HOOK3: variants seen among roughly 807,000 people sequenced by gnomAD.
The protein encoded by HOOK3 is protein Hook homolog 3.
HOOK3 carries 24 observed loss-of-function variants against 116.3 expected under a neutral mutation model. The observed-to-expected ratio is 0.21, with a 90% CI of 0.15 to 0.29. The LOEUF (loss-of-function observed/expected upper bound fraction) is 0.29. Among genes scored for constraint, HOOK3 ranks in the 10% least tolerant of loss-of-function variants. The probability of loss-of-function intolerance (pLI) is 1.00; values close to 1 mark genes in which losing one functional copy is unlikely to be tolerated. For synonymous variants in HOOK3, 275 were observed against 283.0 expected, an observed-to-expected ratio of 0.97 and a Z score of 0.28; for missense variants, 632 against 830.2, an observed-to-expected ratio of 0.76 and a Z score of 2.93.
Position 42,905,332 on chromosome 8 carries a change from G to GGC in HOOK3, c.58-840_58-839insCG, listed in dbSNP as rs1268229992. ...TTTTCCTGTTTCTTTTTTTGGGGGG[G>GGC]GGGGTGCCGTGGTGGAGGGGATATA... On this transcript the variant is annotated intron_variant, in intron 1 of 21. Coordinates refer to ENST00000307602, the MANE Select transcript of HOOK3 (RefSeq NM_032410.4). 2.0e-5 allele frequency among the ~76,000 whole-genome samples: 3 copies of GGC among 146,672 alleles called. 1 individual carries two copies. The highest frequency in any genetic ancestry group is 7.6e-5 in the African/African-American group (3 of 39,336).
chr8:42,997,665 TC>T, intron 16 of HOOK3, 28 bp downstream of exon 16: 2 of 1,153,716 alleles, frequency 1.7e-6, no homozygotes, highest in Non-Finnish European at 2.6e-6. Context: ...CCAACGATGG[TC>T]CATCAGTTTC....
chr8:42,904,240 C>T (rs1239732544), intron 1 of HOOK3, among the ~76,000 whole-genome samples: 1 of 151,740 alleles, frequency 6.6e-6, no homozygotes, highest in East Asian at 1.9e-4. Context: ...AGTATATAAA[C>T]CTACTCAAAT....
chr8:42,909,098 G>T (rs949284585), intron 2 of HOOK3, among the ~76,000 whole-genome samples: 1 of 152,126 alleles, frequency 6.6e-6, no homozygotes, highest in Admixed American at 6.5e-5. Flanking sequence ...AATTAAAACC[G>T]CAATGAGGTG....
chr8:42,968,241 T>C (rs1808667488), intron 11 of HOOK3, 27 bp downstream of exon 11: 1 of 1,535,472 alleles, frequency 6.5e-7, no homozygotes, highest in African/African-American at 1.4e-5. Flanking sequence ...ATCTTGATGA[T>C]GGTTTCAGGC....
At chr8:42,938,396 A>G (rs1808015886) in intron 4 of HOOK3, among the ~76,000 whole-genome samples, 1 of 152,130 alleles carries the variant, frequency 6.6e-6, no homozygotes, top group Non-Finnish European at 1.5e-5. Context: ...GCCCATTTAC[A>G]TTTAAGGTTA....
At chr8:42,903,731 G>A (rs1586583228) in intron 1 of HOOK3, among the ~76,000 whole-genome samples, 1 of 24,076 alleles carries the variant, frequency 4.2e-5, no homozygotes, top group Non-Finnish European at 7.6e-5. Context: ...GCTAAGGCGG[G>A]CGGATGACGA....
intron 6 of HOOK3, among the ~76,000 whole-genome samples, chr8:42,955,828 T>C (rs1808422245): frequency 6.6e-6 from 1 of 152,218 alleles, no homozygotes; most frequent in Admixed American, 6.5e-5. Context: ...TTGAGAGCTG[T>C]TGCTGGAATC....
chr8:43,018,532 C>G lies in HOOK3; in HGVS notation c.*34C>G. On this transcript the variant is annotated 3_prime_UTR_variant, in exon 22 of 22. Transcript: ENST00000307602. ...TGCCGCTCAATCACAGACACCTGCACCCACAACATACTTCTGTTACACACA... is the reference window on the plus strand; with the variant it reads ...TGCCGCTCAATCACAGACACCTGCAGCCACAACATACTTCTGTTACACACA... 6.4e-7 allele frequency: 1 copy of G among 1,568,188 alleles called. No individual in the cohort carries two copies. Among genetic ancestry groups the G allele is most frequent in the Non-Finnish European group, 8.6e-7 (1 of 1,160,376 alleles).
At chr8:42,897,278 G>T in intron 1 of HOOK3, 90 bp downstream of exon 1, 1 of 910,358 alleles carries the variant, frequency 1.1e-6, no homozygotes, top group Non-Finnish European at 1.4e-6. Flanking sequence ...CGAGCGCTGC[G>T]GGCGACGGTG....
intron 4 of HOOK3, among the ~76,000 whole-genome samples, chr8:42,940,674 C>T (rs111654679): frequency 1.3e-5 from 2 of 152,064 alleles, no homozygotes; most frequent in African/African-American, 4.8e-5. Flanking sequence ...CTCTGGATGC[C>T]CTTAACATTT....
chr8:42,940,626 T>G (rs983725183), intron 4 of HOOK3, among the ~76,000 whole-genome samples: 6 of 152,248 alleles, frequency 3.9e-5, no homozygotes, highest in African/African-American at 1.4e-4. Context: ...CTGCTGTTAG[T>G]CTGATGGGCT....
At chr8:42,982,536 GTTAAAA>G (rs1234350850) in intron 13 of HOOK3, 85 bp from the exon 14 acceptor site, 7 of 839,188 alleles carry the variant, frequency 8.3e-6, no homozygotes, top group South Asian at 2.8e-5. Context: ...GATTTTTGCT[GTTAAAA>G]TTAATGCTCA....
intron 11 of HOOK3, among the ~76,000 whole-genome samples, chr8:42,972,577 A>G (rs1443077246): frequency 6.6e-6 from 1 of 152,030 alleles, no homozygotes; most frequent in East Asian, 1.9e-4. Flanking sequence ...GCTAGTTTTT[A>G]AATTGTAGAG....
chr8:42,946,897 T>A (rs921556350), intron 5 of HOOK3, among the ~76,000 whole-genome samples: 4 of 151,254 alleles, frequency 2.6e-5, no homozygotes, highest in African/African-American at 4.9e-5. Flanking sequence ...GCCTCCTGAG[T>A]AGCTGGGATT....
At chr8:43,012,872 G>A (rs1033434536) in intron 19 of HOOK3, among the ~76,000 whole-genome samples, 179 bp from the exon 20 acceptor site, 1 of 152,164 alleles carries the variant, frequency 6.6e-6, no homozygotes, top group African/African-American at 2.4e-5. Context: ...AAAGTGCTGT[G>A]ATTACAGGCA....
chr8:42,946,515 T>C (rs1808229209), intron 5 of HOOK3, among the ~76,000 whole-genome samples: 1 of 151,206 alleles, frequency 6.6e-6, no homozygotes, highest in Non-Finnish European at 1.5e-5. Flanking sequence ...TTGAAGACGA[T>C]GAATTTTTTT....
chr8:42,981,664 G>A (rs981381273), intron 13 of HOOK3, among the ~76,000 whole-genome samples: 2 of 148,298 alleles, frequency 1.3e-5, no homozygotes, highest in Admixed American at 1.3e-4. Flanking sequence ...CGGGCAGATC[G>A]CCTTAGGTCA....
intron 1 of HOOK3, among the ~76,000 whole-genome samples, chr8:42,902,364 C>G (rs555544756): frequency 6.6e-6 from 1 of 151,832 alleles, no homozygotes; most frequent in Admixed American, 6.6e-5. Flanking sequence ...CCCGACCCCC[C>G]AGGCTCAAGT....
intron 19 of HOOK3, 131 bp from the exon 20 acceptor site, chr8:43,012,920 A>G (rs1175608471): frequency 4.8e-6 from 3 of 621,888 alleles, no homozygotes; most frequent in South Asian, 2.1e-5. Flanking sequence ...TTTTTAAAAT[A>G]CCCTTGTAAG....
Sources: allele counts gnomAD v4.1 joint callset (sites outside exome capture counted in the v4.1 genomes callset), GRCh38; gene constraint gnomAD v4.1.1; transcripts MANE v1.5; gene names NCBI Gene and HGNC (gene_info 2026-07-23, HGNC 2026-07-21).